Variants in USP34 observed in about 807,000 individuals in gnomAD.
USP34 encodes the protein ubiquitin carboxyl-terminal hydrolase 34.
Under a neutral mutation model 460.3 loss-of-function variants are expected in USP34, and 70 were observed. The observed-to-expected ratio is 0.15, with a 90% CI of 0.13 to 0.19. USP34 has a LOEUF of 0.19. Among genes scored for constraint, USP34 ranks in the 10% least tolerant of loss-of-function variants. The pLI, the probability that USP34 is intolerant of heterozygous loss-of-function variation, is 1.00. For synonymous variants in USP34, 1,647 were observed against 1,405.3 expected, an observed-to-expected ratio of 1.17 and a Z score of -3.85; for missense variants, 3,985 against 4,236.2, an observed-to-expected ratio of 0.94 and a Z score of 1.65.
intron 1 of USP34, among the ~76,000 whole-genome samples, chr2:61,439,241 GTC>G (rs1386266793): frequency 6.6e-6 from 1 of 152,138 alleles, no homozygotes; most frequent in African/African-American, 2.4e-5. Context: ...GCAAAACCGT[GTC>G]TCTACAAAAA....
chr2:61,368,646 T>G (rs1223414872), intron 10 of USP34, among the ~76,000 whole-genome samples: 1 of 151,678 alleles, frequency 6.6e-6, no homozygotes, highest in Non-Finnish European at 1.5e-5. Flanking sequence ...ATTGGAAAAA[T>G]TGCACAACAA....
Position 61,414,789 on chromosome 2 carries a change from T to C in USP34, c.131+5957A>G, listed in dbSNP as rs537266356. On this transcript the variant is annotated intron_variant, in intron 2 of 79. Transcript: ENST00000398571. ...GTTTAAATACCCTCTAGAGGTTTCC[T>C]ATTGGTTACTTGGTATACACCCTAC... Among the ~76,000 whole-genome samples the C allele has an allele frequency of 1.5e-3, 225 of 152,316 alleles. 2 individuals are homozygous for C. The highest frequency in any genetic ancestry group is 2.5e-3 in the Non-Finnish European group (170 of 68,038).
At chr2:61,263,173 ATTTTTTTTTTTT>A (rs36015748) in intron 43 of USP34, among the ~76,000 whole-genome samples, 3 of 97,780 alleles carry the variant, frequency 3.1e-5, no homozygotes, top group Admixed American at 2.4e-4. Context: ...CACACATGGA[ATTTTTTTTTTTT>A]TTTTTTTTTT....
intron 1 of USP34, among the ~76,000 whole-genome samples, chr2:61,445,115 G>A (rs1695071653): frequency 7.4e-6 from 1 of 135,342 alleles, no homozygotes; most frequent in South Asian, 2.4e-4. Flanking sequence ...ATGAACTTTA[G>A]AAAACAAGCA....
At position 61,214,672 on chromosome 2, in the gene USP34, G is replaced by A. The variant is rs1384811278; in HGVS notation, c.8070C>T (p.Ser2690=). The part of the protein sequence containing the change: ...VRTSAAYLLV[S]LIPSNSFRQM... The stretch of plus-strand genomic sequence containing the variant: ...GACGGAATGAATTGCTTGGTATAAG[G>A]GACACCAGAAGATAAGCTGCAGCTA... Residue 2690 remains serine (S), a synonymous_variant, in exon 68 of 80, where the codon TCC becomes TCT. Coordinates refer to ENST00000398571, the MANE Select transcript of USP34 (RefSeq NM_014709.4). The A allele has an allele frequency of 3.1e-6, 5 of 1,613,824 alleles. No homozygotes were observed. The highest frequency in any genetic ancestry group is 4.2e-6 in the Non-Finnish European group (5 of 1,179,952).
chr2:61,373,733 A>G (rs577138048), intron 8 of USP34, among the ~76,000 whole-genome samples: 22 of 152,348 alleles, frequency 1.4e-4, no homozygotes, highest in African/African-American at 5.3e-4. Flanking sequence ...CACTGCAAAC[A>G]CTGAATTAGC....
intron 71 of USP34, 134 bp from the exon 72 acceptor site, chr2:61,206,258 G>C: frequency 1.4e-6 from 1 of 700,192 alleles, no homozygotes; most frequent in Non-Finnish European, 2.4e-6. Flanking sequence ...TGAAAGCTAA[G>C]TCATTTTCAT....
At chr2:61,272,580 A>AT (rs1305791286) in intron 41 of USP34, among the ~76,000 whole-genome samples, 5 of 152,206 alleles carry the variant, frequency 3.3e-5, no homozygotes, top group Admixed American at 2.6e-4. Flanking sequence ...TCCTAACTGG[A>AT]TCCCTTGACT....
At chr2:61,195,895 A>G (rs1225244035) in intron 75 of USP34, among the ~76,000 whole-genome samples, 6 of 151,716 alleles carry the variant, frequency 4.0e-5, no homozygotes, top group Non-Finnish European at 8.8e-5. Flanking sequence ...CCCAAAGTAA[A>G]ATAATCTTCA....
At chr2:61,193,779 A>G (rs373218082) in intron 75 of USP34, among the ~76,000 whole-genome samples, 8 of 152,194 alleles carry the variant, frequency 5.3e-5, no homozygotes, top group Non-Finnish European at 1.2e-4. Context: ...TCCAGTTAAG[A>G]AAAGACTGAG....
intron 3 of USP34, among the ~76,000 whole-genome samples, chr2:61,398,542 G>A (rs1277552417): frequency 8.5e-6 from 1 of 117,492 alleles, no homozygotes; most frequent in African/African-American, 3.3e-5. Context: ...GGAGGCGGAA[G>A]CGGGGGAAGG....
chr2:61,288,531 T>C, intron 34 of USP34, 146 bp downstream of exon 34: 1 of 761,004 alleles, frequency 1.3e-6, no homozygotes, highest in Non-Finnish European at 2.1e-6. Flanking sequence ...TGCTTCATAA[T>C]CACTACTGCT....
intron 2 of USP34, among the ~76,000 whole-genome samples, chr2:61,413,073 T>A (rs954859854): frequency 2.0e-5 from 3 of 151,904 alleles, no homozygotes; most frequent in African/African-American, 7.2e-5. Flanking sequence ...GGGATAAAGA[T>A]TCTAAAAGCT....
chr2:61,208,890 A>G lies in USP34; in HGVS notation c.8919+9T>C, dbSNP rs781436367. Reference sequence around the variant, plus strand: ...TAATATCCACAGTAAAATGCAATAGAATATTTACCTCTGTCATTAGAATCA... The same window carrying G: ...TAATATCCACAGTAAAATGCAATAGGATATTTACCTCTGTCATTAGAATCA... On this transcript the variant is annotated intron_variant, in intron 70 of 79. Coordinates refer to ENST00000398571, the MANE Select transcript of USP34 (RefSeq NM_014709.4). The G allele has an allele frequency of 6.4e-7, 1 of 1,571,236 alleles. No homozygotes were observed. The highest frequency in any genetic ancestry group is 8.7e-7 in the Non-Finnish European group (1 of 1,153,800).
chr2:61,269,684 A>C (rs951688871), intron 41 of USP34, among the ~76,000 whole-genome samples: 2 of 152,054 alleles, frequency 1.3e-5, no homozygotes, highest in Non-Finnish European at 2.9e-5. Context: ...AGACCAGTGC[A>C]CTCTGCTGGC....
intron 16 of USP34, among the ~76,000 whole-genome samples, chr2:61,342,406 T>C (rs1486636963): frequency 6.6e-6 from 1 of 150,486 alleles, no homozygotes; most frequent in East Asian, 2.0e-4. Flanking sequence ...GTTCAAGCGA[T>C]TCTCCTGCTT....
At chr2:61,235,970 A>C in intron 56 of USP34, 56 bp downstream of exon 56, 1 of 1,596,510 alleles carries the variant, frequency 6.3e-7, no homozygotes, top group South Asian at 1.1e-5. Context: ...ACAAAAACCA[A>C]AAGATATCTG....
chr2:61,314,519 A>C, intron 25 of USP34, 66 bp downstream of exon 25: 1 of 1,327,166 alleles, frequency 7.5e-7, no homozygotes, highest in Non-Finnish European at 9.8e-7. Flanking sequence ...CACTTTAAGA[A>C]TATTTCTGGA....
At chr2:61,443,375 A>G (rs115822731) in intron 1 of USP34, among the ~76,000 whole-genome samples, 131 of 152,294 alleles carry the variant, frequency 8.6e-4, no homozygotes, top group Non-Finnish European at 1.6e-3. Context: ...GTATCAACAC[A>G]TCACTATATG....
Sources: allele counts gnomAD v4.1 joint callset (sites outside exome capture counted in the v4.1 genomes callset), GRCh38; gene constraint gnomAD v4.1.1; transcripts MANE v1.5; gene names NCBI Gene and HGNC (gene_info 2026-07-23, HGNC 2026-07-21).